The following ZNF695 variants were observed in gnomAD, a reference collection of about 807,000 sequenced individuals.
ZNF695 encodes the protein zinc finger protein SBZF3.
A neutral mutation model predicts 11.2 loss-of-function variants in ZNF695; 11 were observed. The observed-to-expected ratio is 0.98, with a 90% CI of 0.62 to 1.62. The LOEUF (loss-of-function observed/expected upper bound fraction) is 1.62. ZNF695 is among the 40% of genes most tolerant of loss of function. The probability of loss-of-function intolerance (pLI) is 0.00; values close to 1 mark genes in which losing one functional copy is unlikely to be tolerated. For missense variants in ZNF695, 559 were observed against 590.5 expected (o/e 0.95, Z 0.55); for synonymous variants, 190 against 201.4 (o/e 0.94, Z 0.48).
intron 4 of ZNF695, among the ~76,000 whole-genome samples, chr1:246,973,830 C>T (rs1003573365): frequency 2.0e-5 from 3 of 152,278 alleles, no homozygotes; most frequent in Non-Finnish European, 4.4e-5. Flanking sequence ...GACTCCACAG[C>T]TGGTGCATCT....
intron 5 of ZNF695, among the ~76,000 whole-genome samples, chr1:246,953,621 CA>C (rs1394771829): frequency 6.6e-6 from 1 of 151,012 alleles, no homozygotes; most frequent in Non-Finnish European, 1.5e-5. Context: ...CAAAAACAAA[CA>C]AAAAAACAAC....
At chr1:246,960,867 G>T (rs1490402175) in intron 5 of ZNF695, among the ~76,000 whole-genome samples, 1 of 152,132 alleles carries the variant, frequency 6.6e-6, no homozygotes, top group East Asian at 1.9e-4. Context: ...TGGACTGGTT[G>T]AGATCACGCC....
At chr1:246,949,361 C>T (rs576257408) in intron 5 of ZNF695, among the ~76,000 whole-genome samples, 211 of 152,212 alleles carry the variant, frequency 1.4e-3, no homozygotes, top group Middle Eastern at 3.4e-3. Flanking sequence ...GCGGCCGAGG[C>T]AGGCAGCTCA....
intron 5 of ZNF695, among the ~76,000 whole-genome samples, chr1:246,948,219 A>G (rs1779961): frequency 0.52 from 78,843 of 151,692 alleles, 20,641 homozygotes; most frequent in Middle Eastern, 0.6. Context: ...GATTACAGGC[A>G]CTCACCACCA....
rs1321852272 is a variant in ZNF695 at position 246,974,155 on chromosome 1, AAC to A, written c.391-6365_391-6364del. ...GCTTATTTGGAATAAAAAACAAACA[AAC>A]AAACAAAAAAAAACAAACAAAAAAC... is the stretch of plus-strand genomic sequence containing the variant. On this transcript the variant is annotated intron_variant, in intron 4 of 5. Coordinates refer to the ZNF695 transcript ENST00000487338. Among the ~76,000 whole-genome samples, 757 of 141,536 alleles carry A rather than the reference AAC, an allele frequency of 5.3e-3. 6 individuals are homozygous for A. Among genetic ancestry groups the A allele is most frequent in the African/African-American group, 0.019 (674 of 36,168 alleles). The allele number at this position is 141,536 out of a possible 152,430, so 92.9% of individuals were successfully genotyped here.
intron 5 of ZNF695, among the ~76,000 whole-genome samples, chr1:246,961,664 A>G (rs1244567730): frequency 6.6e-6 from 1 of 152,064 alleles, no homozygotes; most frequent in African/African-American, 2.4e-5. Flanking sequence ...TTCAGACCCA[A>G]TTGTCACCCA....
At chr1:247,005,352 A>G (rs1669501328) in intron 1 of ZNF695, among the ~76,000 whole-genome samples, 2 of 152,192 alleles carry the variant, frequency 1.3e-5, no homozygotes, top group Admixed American at 6.5e-5. Context: ...CAGTCTCTCA[A>G]TAAGTTGTGC....
At chr1:246,990,959 T>C (rs1460006900) in intron 3 of ZNF695, among the ~76,000 whole-genome samples, 1 of 151,902 alleles carries the variant, frequency 6.6e-6, no homozygotes, top group African/African-American at 2.4e-5. Context: ...GCAAAAGCAG[T>C]ACAAACAGGG....
chr1:247,004,104 C>T (rs535207501), intron 1 of ZNF695, among the ~76,000 whole-genome samples: 91 of 152,190 alleles, frequency 6.0e-4, no homozygotes, highest in Middle Eastern at 6.8e-3. Context: ...CCCAGCTACT[C>T]GGGAGGCTGA....
intron 1 of ZNF695, among the ~76,000 whole-genome samples, chr1:247,006,495 C>T (rs908765925): frequency 1.1e-4 from 17 of 151,972 alleles, no homozygotes; most frequent in Non-Finnish European, 2.1e-4. Flanking sequence ...CCTGTATTCC[C>T]AGCTACCAGG....
chr1:247,001,712 C>CAAAAAA (rs56131097), intron 1 of ZNF695, among the ~76,000 whole-genome samples: 25 of 79,192 alleles, frequency 3.2e-4, no homozygotes, highest in African/African-American at 3.9e-4. Flanking sequence ...GACTTCGTCT[C>CAAAAAA]AAAAAAAAAA....
At chr1:246,976,859 A>G (rs183601651) in intron 4 of ZNF695, among the ~76,000 whole-genome samples, 90 of 152,342 alleles carry the variant, frequency 5.9e-4, no homozygotes, top group African/African-American at 2.0e-3. Flanking sequence ...AAGCCAAATA[A>G]GAGACCCCCA....
intron 3 of ZNF695, 91 bp from the exon 4 acceptor site, chr1:246,988,346 G>T: frequency 1.0e-6 from 1 of 975,600 alleles, no homozygotes; most frequent in Admixed American, 3.2e-5. Flanking sequence ...ATATTAGCAA[G>T]ATAGCATAAT....
rs1479421060 is a variant in ZNF695 at position 246,945,739 on chromosome 1, C to T, written c.*58G>A. The T allele has an allele frequency of 1.9e-6, 3 of 1,546,608 alleles. No homozygotes were observed. In the African/African-American group the frequency reaches 4.1e-5, roughly 21 times the overall value. On this transcript the variant is annotated 3_prime_UTR_variant, in exon 6 of 6. Coordinates refer to the ZNF695 transcript ENST00000487338. ...AGCTGGACCCGGTGTAAATTCGCCT[C>T]ACGGAGCAGGGAGTCCAGGCACTGT...
intron 2 of ZNF695, 67 bp from the exon 3 acceptor site, chr1:246,999,507 G>A (rs185578596): frequency 4.0e-6 from 5 of 1,260,834 alleles, no homozygotes; most frequent in Non-Finnish European, 5.7e-6. Context: ...ACTATGCTCA[G>A]TAGAGAAGAG....
At chr1:246,964,801 G>C (rs1306757200) in intron 5 of ZNF695, among the ~76,000 whole-genome samples, 1 of 152,192 alleles carries the variant, frequency 6.6e-6, no homozygotes, top group Non-Finnish European at 1.5e-5. Context: ...CACCCAGGAG[G>C]TGGAGGTTGC....
intron 3 of ZNF695, among the ~76,000 whole-genome samples, chr1:246,994,227 G>A (rs963884038): frequency 7.9e-5 from 12 of 152,006 alleles, no homozygotes; most frequent in African/African-American, 2.9e-4. Flanking sequence ...GTATGTGACT[G>A]AAGACATTAC....
At chr1:246,959,979 C>T (rs1210794341) in intron 5 of ZNF695, among the ~76,000 whole-genome samples, 1 of 152,208 alleles carries the variant, frequency 6.6e-6, no homozygotes, top group Non-Finnish European at 1.5e-5. Flanking sequence ...TGGTAAGCTG[C>T]TATCTTCATG....
chr1:246,980,390 C>A (rs904150006), downstream of ZNF695, among the ~76,000 whole-genome samples: 1 of 148,136 alleles, frequency 6.8e-6, no homozygotes. Flanking sequence ...ATGAAATATG[C>A]AAACTATAAG....
Sources: gnomAD v4.1 joint callset for allele counts (sites outside exome capture counted in the v4.1 genomes callset) on GRCh38, gnomAD v4.1.1 for gene constraint, MANE v1.5 for transcripts, NCBI Gene and HGNC (gene_info 2026-07-23, HGNC 2026-07-21) for gene names.